Variants in MTMR7 observed in about 807,000 individuals in gnomAD.
MTMR7 encodes myotubularin related protein 7, also known as phosphatidylinositol-3-phosphate phosphatase MTMR7.
A neutral mutation model predicts 81.2 loss-of-function variants in MTMR7; 76 were observed. The observed-to-expected ratio is 0.94, with a 90% confidence interval of 0.78 to 1.13. The LOEUF is 1.13. MTMR7 is among the 50% of genes most tolerant of loss of function. The pLI is 0.00. For missense variants in MTMR7, 1,044 were observed against 820.0 expected (o/e 1.27, Z -3.34); for synonymous variants, 372 against 289.8 (o/e 1.28, Z -2.88).
intron 1 of MTMR7, among the ~76,000 whole-genome samples, chr8:17,396,618 C>T (rs1821260594): frequency 6.6e-6 from 1 of 152,092 alleles, no homozygotes; most frequent in Admixed American, 6.5e-5. Flanking sequence ...TAAAGTGCTC[C>T]CAGGTCCTCG....
intron 9 of MTMR7, 98 bp from the exon 10 acceptor site, chr8:17,309,424 A>G: frequency 1.2e-6 from 1 of 832,740 alleles, no homozygotes; most frequent in African/African-American, 1.7e-5. Context: ...CACTTGCAGA[A>G]GTCCCCATCC....
chr8:17,335,717 C>T (rs1281443381), intron 6 of MTMR7, among the ~76,000 whole-genome samples: 2 of 152,202 alleles, frequency 1.3e-5, no homozygotes, highest in Admixed American at 1.3e-4. Flanking sequence ...GATTTTATTC[C>T]TTGCAACTAT....
At chr8:17,313,505 G>A in intron 7 of MTMR7, 104 bp from the exon 8 acceptor site, 1 of 683,566 alleles carries the variant, frequency 1.5e-6, no homozygotes, top group Non-Finnish European at 2.4e-6. Context: ...TGTTGTATTA[G>A]GTATTTTCTG....
At chr8:17,327,098 A>G (rs1291298926) in intron 7 of MTMR7, among the ~76,000 whole-genome samples, 1 of 152,152 alleles carries the variant, frequency 6.6e-6, no homozygotes, top group East Asian at 1.9e-4. Flanking sequence ...CATTATACAT[A>G]TTCTCCCATG....
intron 1 of MTMR7, among the ~76,000 whole-genome samples, chr8:17,377,095 G>A (rs1820613407): frequency 6.6e-6 from 1 of 151,776 alleles, no homozygotes; most frequent in Admixed American, 6.6e-5. Flanking sequence ...GAACCTCCAT[G>A]CCCTAGCCTA....
chr8:17,372,938 T>C (rs34169664), intron 2 of MTMR7, 180 bp downstream of exon 2: 61,386 of 618,162 alleles, frequency 0.099, 3,917 homozygotes, highest in Non-Finnish European at 0.13. Context: ...TTAAAATGAA[T>C]AGTCGATCAA....
At chr8:17,309,960 T>C (rs1817692699) in intron 9 of MTMR7, among the ~76,000 whole-genome samples, 1 of 152,146 alleles carries the variant, frequency 6.6e-6, no homozygotes, top group Non-Finnish European at 1.5e-5. Flanking sequence ...GATTATTATT[T>C]TTAAGTATTT....
chr8:17,370,909 T>A (rs1040487521), intron 3 of MTMR7, 128 bp downstream of exon 3: 1 of 927,178 alleles, frequency 1.1e-6, no homozygotes, highest in Non-Finnish European at 1.6e-6. Context: ...GCTTATCCTC[T>A]CCTGAGAACG....
At chr8:17,384,988 C>T (rs767697290) in intron 1 of MTMR7, among the ~76,000 whole-genome samples, 2 of 152,180 alleles carry the variant, frequency 1.3e-5, no homozygotes, top group Non-Finnish European at 2.9e-5. Flanking sequence ...TTAGATACCT[C>T]TGGTATAATG....
At chr8:17,309,428 C>T (rs1817667141) in intron 9 of MTMR7, 102 bp from the exon 10 acceptor site, 1 of 803,552 alleles carries the variant, frequency 1.2e-6, no homozygotes, top group Non-Finnish European at 2.1e-6. Context: ...TGCAGAAGTC[C>T]CCATCCTCGA....
intron 7 of MTMR7, among the ~76,000 whole-genome samples, chr8:17,320,755 C>T (rs1197526728): frequency 6.6e-6 from 1 of 152,198 alleles, no homozygotes; most frequent in Non-Finnish European, 1.5e-5. Context: ...CTCCAAGCAT[C>T]AGGCTCACTT....
At chr8:17,390,426 T>C (rs961961804) in intron 1 of MTMR7, among the ~76,000 whole-genome samples, 5 of 152,146 alleles carry the variant, frequency 3.3e-5, no homozygotes, top group Non-Finnish European at 7.3e-5. Context: ...ACCCCCATCA[T>C]GCAACCATCT....
intron 7 of MTMR7, 113 bp downstream of exon 7, chr8:17,331,037 T>A (rs1818972542): frequency 7.9e-7 from 1 of 1,267,290 alleles, no homozygotes; most frequent in African/African-American, 1.5e-5. Context: ...ATGATATTCT[T>A]CCCAAATTAT....
intron 1 of MTMR7, among the ~76,000 whole-genome samples, chr8:17,400,755 A>C (rs954955584): frequency 2.7e-5 from 4 of 148,456 alleles, no homozygotes; most frequent in African/African-American, 1.1e-4. Flanking sequence ...CTCAAAAGAC[A>C]AGGCTGATAA....
chr8:17,332,915 T>A (rs1315307121), intron 6 of MTMR7, among the ~76,000 whole-genome samples: 8 of 152,182 alleles, frequency 5.3e-5, no homozygotes, highest in African/African-American at 1.9e-4. Flanking sequence ...AAAGACAGCA[T>A]GGCAGGCGAC....
At chr8:17,394,778 C>A (rs1032330645) in intron 1 of MTMR7, among the ~76,000 whole-genome samples, 2 of 151,994 alleles carry the variant, frequency 1.3e-5, no homozygotes, top group Non-Finnish European at 2.9e-5. Context: ...TGACATCAGA[C>A]CCACAATGCC....
At chr8:17,360,930 G>A (rs915851312) in intron 4 of MTMR7, among the ~76,000 whole-genome samples, 187 bp downstream of exon 4, 1 of 152,122 alleles carries the variant, frequency 6.6e-6, no homozygotes, top group Non-Finnish European at 1.5e-5. Context: ...TGTATAGCAG[G>A]TTCAAACGTT....
At chr8:17,370,553 CAAAAA>C (rs5889712) in intron 3 of MTMR7, among the ~76,000 whole-genome samples, 9 of 30,862 alleles carry the variant, frequency 2.9e-4, no homozygotes, top group African/African-American at 1.1e-3. Flanking sequence ...AAAAGTGCCT[CAAAAA>C]AAAAAAAAAA....
intron 1 of MTMR7, among the ~76,000 whole-genome samples, chr8:17,405,639 C>T (rs1821556127): frequency 6.6e-6 from 1 of 151,984 alleles, no homozygotes; most frequent in Admixed American, 6.6e-5. Flanking sequence ...TAAAATCATC[C>T]TTGAAAAGAT....
Sources: gnomAD v4.1 joint callset for allele counts (sites outside exome capture counted in the v4.1 genomes callset) on GRCh38, gnomAD v4.1.1 for gene constraint, MANE v1.5 for transcripts, NCBI Gene and HGNC (gene_info 2026-07-23, HGNC 2026-07-21) for gene names.